The following PARD3 variants were observed in gnomAD, a reference collection of about 807,000 sequenced individuals.
PARD3 encodes the protein partitioning defective 3 homolog.
A neutral mutation model predicts 155.4 loss-of-function variants in PARD3; 75 were observed. The ratio of observed to expected loss-of-function variants is 0.48; its 90% confidence interval spans 0.40 to 0.58. The LOEUF (loss-of-function observed/expected upper bound fraction) is 0.58. PARD3 is among the 20% of genes least tolerant of loss of function. The pLI, the probability that PARD3 is intolerant of heterozygous loss-of-function variation, is 0.00. For synonymous variants in PARD3, 576 were observed against 610.5 expected (o/e 0.94, Z 0.83); for missense variants, 1,642 against 1,721.7 (o/e 0.95, Z 0.82).
chr10:34,649,897 T>C (rs1374515022), intron 2 of PARD3, among the ~76,000 whole-genome samples: 1 of 152,180 alleles, frequency 6.6e-6, no homozygotes, highest in Non-Finnish European at 1.5e-5. Flanking sequence ...TTATGGTTTT[T>C]TACTTTGTAA....
chr10:34,143,122 C>T (rs903446603), intron 22 of PARD3, among the ~76,000 whole-genome samples: 2 of 152,074 alleles, frequency 1.3e-5, no homozygotes, highest in Non-Finnish European at 2.9e-5. Context: ...GAGATCAAGA[C>T]CATCCTGGCC....
intron 1 of PARD3, among the ~76,000 whole-genome samples, chr10:34,734,921 C>CA (rs1344596448): frequency 7.4e-6 from 1 of 135,874 alleles, no homozygotes; most frequent in Non-Finnish European, 1.6e-5. Flanking sequence ...AAACAGCAGA[C>CA]AAAATACAGA....
chr10:34,523,427 T>C (rs1293572177), intron 2 of PARD3, among the ~76,000 whole-genome samples: 1 of 152,218 alleles, frequency 6.6e-6, no homozygotes, highest in African/African-American at 2.4e-5. Context: ...AAATAAAGAC[T>C]TATAATTCTT....
At chr10:34,746,870 T>C (rs930371935) in intron 1 of PARD3, among the ~76,000 whole-genome samples, 2 of 152,184 alleles carry the variant, frequency 1.3e-5, no homozygotes, top group African/African-American at 4.8e-5. Context: ...TCTAGACAGC[T>C]GGAGAACAAT....
chr10:34,119,674 G>C lies in PARD3; in HGVS notation c.3607C>G (p.Gln1203Glu). 1 of 1,612,488 alleles carries C rather than the reference G, an allele frequency of 6.2e-7. No homozygotes were observed. The highest frequency in any genetic ancestry group is 2.2e-5 in the East Asian group (1 of 44,868). ...SVSVEVQMQR[Q>E]RQEERESSQQ... ...GAGCTCTCGCGCTCCTCCTGCCGCT[G>C]CCGCTGCATCTGCACCTCCACGGAC... The change falls in exon 24 of 25, where the codon CAG becomes GAG. Residue 1203 changes from glutamine (Q) to glutamate (E), a missense_variant. Coordinates refer to ENST00000374788, the MANE Select transcript of PARD3 (RefSeq NM_001184785.2).
At chr10:34,703,800 C>T (rs1452611747) in intron 1 of PARD3, among the ~76,000 whole-genome samples, 1 of 152,120 alleles carries the variant, frequency 6.6e-6, no homozygotes, top group East Asian at 1.9e-4. Context: ...ATACTGGAAT[C>T]TAGACAATCA....
chr10:34,352,970 T>A (rs1368211272), intron 14 of PARD3, among the ~76,000 whole-genome samples: 3 of 150,232 alleles, frequency 2.0e-5, no homozygotes, highest in Non-Finnish European at 4.4e-5. Context: ...CCATCTGGGA[T>A]GTGAGGAGTG....
At chr10:34,559,043 C>T (rs1371940369) in intron 2 of PARD3, among the ~76,000 whole-genome samples, 4 of 150,758 alleles carry the variant, frequency 2.7e-5, no homozygotes, top group African/African-American at 4.9e-5. Context: ...ACTCATTTTT[C>T]CCCCCCACAG....
intron 1 of PARD3, among the ~76,000 whole-genome samples, chr10:34,805,542 C>CATATATATATATATATATATATAT (rs58820083): frequency 7.1e-6 from 1 of 140,778 alleles, no homozygotes; most frequent in East Asian, 2.1e-4. Flanking sequence ...CACGTATGTG[C>CATATATATATATATATATATATAT]ATATATATAT....
intron 20 of PARD3, among the ~76,000 whole-genome samples, chr10:34,306,603 C>T (rs913755325): frequency 6.6e-5 from 10 of 152,036 alleles, no homozygotes; most frequent in African/African-American, 1.9e-4. Context: ...GAGCTGAAAT[C>T]GTGCCGTCGC....
intron 22 of PARD3, among the ~76,000 whole-genome samples, chr10:34,224,924 C>T (rs1952509923): frequency 6.6e-6 from 1 of 152,120 alleles, no homozygotes; most frequent in Admixed American, 6.6e-5. Flanking sequence ...ATGATTTATT[C>T]CTTTTCCTGA....
chr10:34,129,676 C>T (rs1947484849), intron 23 of PARD3, among the ~76,000 whole-genome samples: 1 of 119,922 alleles, frequency 8.3e-6, no homozygotes, highest in Non-Finnish European at 1.8e-5. Flanking sequence ...TCAAATGTTC[C>T]TTTTTTTTTG....
intron 4 of PARD3, among the ~76,000 whole-genome samples, chr10:34,465,021 C>G (rs906789937): frequency 6.6e-6 from 1 of 152,166 alleles, no homozygotes. Context: ...CATGCACATC[C>G]TCCCATATAG....
At chr10:34,408,417 A>G (rs990676422) in intron 5 of PARD3, among the ~76,000 whole-genome samples, 3 of 152,208 alleles carry the variant, frequency 2.0e-5, no homozygotes, top group African/African-American at 7.2e-5. Flanking sequence ...CATGTTAACT[A>G]TTAGTGAGCT....
chr10:34,516,879 C>G (rs758720584), intron 3 of PARD3, 100 bp downstream of exon 3: 10 of 1,163,526 alleles, frequency 8.6e-6, no homozygotes, highest in Non-Finnish European at 1.1e-5. Flanking sequence ...TTGAATAAAA[C>G]AGATAATTAA....
At chr10:34,475,999 A>G (rs1348907675) in intron 3 of PARD3, among the ~76,000 whole-genome samples, 2 of 152,194 alleles carry the variant, frequency 1.3e-5, no homozygotes, top group Non-Finnish European at 2.9e-5. Context: ...CAAGACAACC[A>G]CTGAGAAGCT....
intron 23 of PARD3, 53 bp downstream of exon 23, chr10:34,131,410 T>C: frequency 6.2e-7 from 1 of 1,609,552 alleles, no homozygotes; most frequent in South Asian, 1.1e-5. Context: ...TAGTGGCCTT[T>C]GCTGCAGGGA....
chr10:34,583,920 A>C (rs528452486), intron 2 of PARD3, among the ~76,000 whole-genome samples: 2 of 152,280 alleles, frequency 1.3e-5, no homozygotes, highest in South Asian at 4.1e-4. Context: ...TAATTACTTC[A>C]TCTCCATCTA....
chr10:34,734,776 T>C (rs2094882956), intron 1 of PARD3, among the ~76,000 whole-genome samples: 1 of 152,086 alleles, frequency 6.6e-6, no homozygotes, highest in East Asian at 1.9e-4. Flanking sequence ...AATTTTAAAC[T>C]ATTAGATATA....
Sources: gnomAD v4.1 joint callset for allele counts (sites outside exome capture counted in the v4.1 genomes callset) on GRCh38, gnomAD v4.1.1 for gene constraint, MANE v1.5 for transcripts, NCBI Gene and HGNC (gene_info 2026-07-23, HGNC 2026-07-21) for gene names.